Variants in NOBOX observed in about 807,000 individuals in gnomAD.
The protein encoded by NOBOX is homeobox protein NOBOX.
A neutral mutation model predicts 60.2 loss-of-function variants in NOBOX; 46 were observed. The observed-to-expected ratio is 0.76, with a 90% CI of 0.60 to 0.98. The LOEUF is 0.98. Ranked by LOEUF, NOBOX falls within the 50% of genes least tolerant of loss-of-function variation. The pLI, the probability that NOBOX is intolerant of heterozygous loss-of-function variation, is 0.00. For missense variants in NOBOX, 880 were observed against 865.5 expected, an observed-to-expected ratio of 1.02 and a Z score of -0.21; for synonymous variants, 360 against 346.3, an observed-to-expected ratio of 1.04 and a Z score of -0.44.
chr7:144,397,597 A>G (rs921281200), intron 9 of NOBOX, 56 bp from the exon 8 acceptor site: 3 of 1,390,180 alleles, frequency 2.2e-6, no homozygotes, highest in Non-Finnish European at 2.9e-6. Context: ...ATCAACTATC[A>G]TTAACAGTGT....
intron 6 of NOBOX, 78 bp downstream of exon 4, chr7:144,399,679 C>A: frequency 6.2e-6 from 8 of 1,281,998 alleles, no homozygotes; most frequent in Non-Finnish European, 8.9e-6. Flanking sequence ...CCAATGGTCT[C>A]CTTCTAGACC....
In NOBOX at chr7:144,401,560, G is replaced by T. The variant is rs538752866; in HGVS notation, c.330C>A (p.Pro110=). 6.6e-7 allele frequency: 1 copy of T among 1,510,986 alleles called. No homozygotes were observed. Among genetic ancestry groups the T allele is most frequent in the Non-Finnish European group, 8.8e-7 (1 of 1,136,016 alleles). 93.6% of individuals were successfully genotyped at this position (1,510,986 alleles called of 1,614,324 possible). A position where few individuals can be genotyped will look rare whatever the true frequency, so the allele number is the denominator to read the frequency against. ...AGCCCCGGAGCAGTTCCTCCTCCCC[G>T]GGTCCTGCAGCCAGGGGCTTCTCTC... Residue 110 remains proline, a synonymous_variant, in exon 4 of 10, where the codon CCC becomes CCA. Coordinates refer to ENST00000467773, the MANE Select transcript of NOBOX (RefSeq NM_001080413.3). The surrounding 1 kb of genome is among the most constrained non-coding windows in gnomAD (Gnocchi z 4.2).
At chr7:144,399,949 G>C (rs757737095) in intron 5 of NOBOX, 86 bp from the exon 4 acceptor site, 7 of 1,309,898 alleles carry the variant, frequency 5.3e-6, no homozygotes, top group Admixed American at 4.0e-5. Flanking sequence ...GGAGCTACAG[G>C]ACTTTGGAAG....
At chr7:144,402,098 G>A (rs2053944971) in intron 2 of NOBOX, 1 of 633,212 alleles carries the variant, frequency 1.6e-6, no homozygotes, top group African/African-American at 1.8e-5. Flanking sequence ...GCCGAGGCAA[G>A]AGCATCAAAA....
At chr7:144,404,197 A>C (rs1028339823) in intron 2 of NOBOX, among the ~76,000 whole-genome samples, 40 of 151,766 alleles carry the variant, frequency 2.6e-4, no homozygotes, top group African/African-American at 8.9e-4. Flanking sequence ...CTCCCATGCT[A>C]GGGCCCCTCC....
At chr7:144,402,372 T>G (rs2053947908) in intron 2 of NOBOX, among the ~76,000 whole-genome samples, 1 of 152,194 alleles carries the variant, frequency 6.6e-6, no homozygotes, top group South Asian at 2.1e-4. Flanking sequence ...GCTTATCATG[T>G]TCCAGGCATG....
Position 144,397,466 on chromosome 7 carries a change from T to C in NOBOX, c.1850A>G (p.His617Arg), listed in dbSNP as rs565523105. ...AAAGTAGCCATCCCCTCCTGGGGGA[T>C]GCCCCAGAGCTTGTGGGCAGAACGG... Residue 617 changes from histidine (H) to arginine (R), a missense_variant, in exon 10 of 10, where the codon CAT (histidine) becomes CGT (arginine). Coordinates refer to ENST00000467773, the MANE Select transcript of NOBOX (RefSeq NM_001080413.3). 1 of 1,537,200 alleles carries C rather than the reference T, an allele frequency of 6.5e-7. No individual in the cohort carries two copies. Among genetic ancestry groups the C allele is most frequent in the Non-Finnish European group, 8.7e-7 (1 of 1,146,868 alleles).
chr7:144,399,551 G>T lies in NOBOX; in HGVS notation c.1155-69C>A. On this transcript the variant is annotated intron_variant, in intron 6 of 9. Coordinates refer to ENST00000467773, the MANE Select transcript of NOBOX (RefSeq NM_001080413.3). Reference sequence around the variant, plus strand: ...GATTTGCACAGGTGCCTCATTGCCAGGAGAGACACCAATTCCCAAACTCTG... The same window carrying T: ...GATTTGCACAGGTGCCTCATTGCCATGAGAGACACCAATTCCCAAACTCTG... 3.7e-6 allele frequency: 5 copies of T among 1,338,176 alleles called. No individual in the cohort carries two copies. In the South Asian group the frequency reaches 5.0e-5, roughly 13 times the overall value. The allele number at this position is 1,338,176 out of a possible 1,614,324, so 82.9% of individuals were successfully genotyped here. A position where few individuals can be genotyped will look rare whatever the true frequency, so the allele number is the denominator to read the frequency against.
intron 4 of NOBOX, among the ~76,000 whole-genome samples, 158 bp from the exon 3 acceptor site, chr7:144,400,470 C>T (rs1200684747): frequency 6.6e-6 from 1 of 152,260 alleles, no homozygotes; most frequent in African/African-American, 2.4e-5. Context: ...GGCCTTCTCG[C>T]TCTTGGGTGC....
At chr7:144,405,554 A>C (rs772218024) in intron 1 of NOBOX, among the ~76,000 whole-genome samples, 10 of 152,146 alleles carry the variant, frequency 6.6e-5, no homozygotes, top group Non-Finnish European at 1.5e-4. Flanking sequence ...TGAGCTGTGG[A>C]GTTTACCACA....
At chr7:144,397,921 T>G (rs2053905274) in intron 9 of NOBOX, among the ~76,000 whole-genome samples, 1 of 152,170 alleles carries the variant, frequency 6.6e-6, no homozygotes, top group African/African-American at 2.4e-5. Flanking sequence ...TGCCATCTAC[T>G]CTAGGCCAAA....
chr7:144,399,314 G>A (rs1364098258), intron 7 of NOBOX, 83 bp downstream of exon 5: 1 of 1,098,368 alleles, frequency 9.1e-7, no homozygotes, highest in Non-Finnish European at 1.4e-6. Flanking sequence ...GAGGACTCCA[G>A]TCACTCCCAC....
At chr7:144,396,924 A>G (rs779293581), downstream of NOBOX, among the ~76,000 whole-genome samples, 35 of 152,198 alleles carry the variant, frequency 2.3e-4, no homozygotes, top group Non-Finnish European at 1.0e-4. Flanking sequence ...GGACTAGTTT[A>G]CTGCTTACGG....
chr7:144,404,535 C>T (rs762807681), intron 2 of NOBOX: 2 of 1,606,778 alleles, frequency 1.2e-6, no homozygotes, highest in Non-Finnish European at 1.7e-6. Context: ...AGGCGTGAGC[C>T]ACAGCGCTCG....
At position 144,404,603 on chromosome 7, in the gene NOBOX, A is replaced by G; in HGVS notation, c.163T>C (p.Phe55Leu). ...CAAAGGCTGCACCGGATGATGAAGA[A>G]GGAGCTGAAAGAGCCACAGACTCCG... Residue 55 changes from phenylalanine to leucine, a missense_variant, in exon 2 of 10, where the codon TTC becomes CTC. By Grantham distance (22) the Phe-to-Leu change is conservative (BLOSUM62 0). Coordinates refer to ENST00000467773, the MANE Select transcript of NOBOX (RefSeq NM_001080413.3). The G allele has an allele frequency of 2.5e-6, 4 of 1,613,982 alleles. No individual in the cohort carries two copies. The highest frequency in any genetic ancestry group is 8.5e-7 in the Non-Finnish European group (1 of 1,179,880).
Position 144,398,604 on chromosome 7 carries a change from C to A in NOBOX, c.1470-18G>T. 1 of 1,531,180 alleles carries A rather than the reference C, an allele frequency of 6.5e-7. No homozygotes were observed. The allele number at this position is 1,531,180 out of a possible 1,614,324, so 94.8% of individuals were successfully genotyped here. ...GGGTGATGCTGCAAGGACAGAGGAA[C>A]AGCTGGTGAGGTGCAGGGGTGGGGG... On this transcript the variant is annotated intron_variant, in intron 8 of 9. Coordinates refer to ENST00000467773, the MANE Select transcript of NOBOX (RefSeq NM_001080413.3).
At chr7:144,406,267 C>A (rs552574868) in intron 1 of NOBOX, among the ~76,000 whole-genome samples, 1 of 152,252 alleles carries the variant, frequency 6.6e-6, no homozygotes, top group Admixed American at 6.5e-5. Flanking sequence ...AAAATATTGG[C>A]ATTTTTCCAG....
intron 4 of NOBOX, 145 bp from the exon 3 acceptor site, chr7:144,400,457 C>T: frequency 1.5e-6 from 1 of 680,624 alleles, no homozygotes; most frequent in South Asian, 1.9e-5. Flanking sequence ...TCCTATTGGG[C>T]TGGGCCTTCT....
At position 144,401,431 on chromosome 7, in the gene NOBOX, A is replaced by T. The variant is rs757022908; in HGVS notation, c.459T>A (p.Ala153=). ...GGGGCGGGCACAGTCTCCCAGCATC[A>T]GCCCCGGTGGCTTCTCCAGAGACTG... The change falls in exon 4 of 10, where the codon GCT becomes GCA. Residue 153 remains alanine (A), a synonymous_variant. Coordinates refer to ENST00000467773, the MANE Select transcript of NOBOX (RefSeq NM_001080413.3). This position sits in a 1 kb window ranked among gnomAD's most constrained non-coding sequence, Gnocchi z 4.2. 6.2e-7 allele frequency: 1 copy of T among 1,608,420 alleles called. No individual in the cohort carries two copies.
Sources: allele counts gnomAD v4.1 joint callset (sites outside exome capture counted in the v4.1 genomes callset), GRCh38; gene constraint gnomAD v4.1.1; non-coding constraint Gnocchi (gnomAD v3.1); transcripts MANE v1.5; gene names NCBI Gene and HGNC (gene_info 2026-07-23, HGNC 2026-07-21).